The following CLYBL variants were observed in gnomAD, a reference collection of about 807,000 sequenced individuals.
CLYBL encodes the protein citramalyl-CoA lyase.
CLYBL carries 31 observed loss-of-function variants against 38.9 expected under a neutral mutation model. The ratio of observed to expected loss-of-function variants is 0.80; its 90% CI spans 0.60 to 1.08. The LOEUF (loss-of-function observed/expected upper bound fraction) is 1.08, where lower values mean the gene tolerates loss of function less well. Ranked by LOEUF, CLYBL falls within the 50% of genes least tolerant of loss-of-function variation. The pLI, the probability that CLYBL is intolerant of heterozygous loss-of-function variation, is 0.00. For missense variants in CLYBL, 434 were observed against 411.6 expected, an observed-to-expected ratio of 1.05 and a Z score of -0.47; for synonymous variants, 171 against 158.6, an observed-to-expected ratio of 1.08 and a Z score of -0.59.
At chr13:99,899,566 T>C (rs2052619014), downstream of CLYBL, among the ~76,000 whole-genome samples, 1 of 152,152 alleles carries the variant, frequency 6.6e-6, no homozygotes, top group Admixed American at 6.5e-5. Flanking sequence ...GTTTCATTTT[T>C]GCAAGATGAA....
chr13:99,887,599 A>G (rs1294323304), intron 7 of CLYBL, among the ~76,000 whole-genome samples: 1 of 152,082 alleles, frequency 6.6e-6, no homozygotes, highest in African/African-American at 2.4e-5. Context: ...TCTCTACATA[A>G]AAAATTAGCT....
chr13:99,898,182 C>G (rs757623800), downstream of CLYBL, among the ~76,000 whole-genome samples: 8 of 152,100 alleles, frequency 5.3e-5, no homozygotes, highest in Non-Finnish European at 1.2e-4. Context: ...TACATAACGC[C>G]AAATAGCTGG....
intron 9 of CLYBL, among the ~76,000 whole-genome samples, chr13:99,906,069 C>T (rs940337257): frequency 6.6e-6 from 1 of 152,232 alleles, no homozygotes; most frequent in Non-Finnish European, 1.5e-5. Flanking sequence ...CCATGACACT[C>T]TGCCAGATTC....
At position 99,606,765 on chromosome 13, in the gene CLYBL, C is replaced by G; in HGVS notation, c.62+8C>G. 6.9e-7 allele frequency: 1 copy of G among 1,439,478 alleles called. No individual in the cohort carries two copies. The highest frequency in any genetic ancestry group is 3.0e-5 in the East Asian group (1 of 33,198). 89.2% of individuals were successfully genotyped at this position (1,439,478 alleles called of 1,614,324 possible). On this transcript the variant is annotated splice_region_variant and intron_variant, in intron 1 of 8. Coordinates refer to ENST00000339105, the MANE Select transcript of CLYBL (RefSeq NM_206808.5). ...GGCGGCGCTGCTGAGGCTGTGAGTGCAGGTCCCCGTTCCCCGCCTTCCCGG... is the reference window on the plus strand; with the variant it reads ...GGCGGCGCTGCTGAGGCTGTGAGTGGAGGTCCCCGTTCCCCGCCTTCCCGG...
At chr13:99,834,930 A>G (rs1237792016) in intron 2 of CLYBL, among the ~76,000 whole-genome samples, 1 of 152,208 alleles carries the variant, frequency 6.6e-6, no homozygotes, top group Non-Finnish European at 1.5e-5. Context: ...CCTCTAAACT[A>G]AAACAATCAT....
chr13:99,756,980 C>T (rs966650637), intron 1 of CLYBL, among the ~76,000 whole-genome samples: 5 of 151,986 alleles, frequency 3.3e-5, no homozygotes, highest in South Asian at 4.2e-4. Context: ...CCACTGCAGC[C>T]TTGACCCCCA....
chr13:99,741,768 T>G (rs976565138), intron 1 of CLYBL, among the ~76,000 whole-genome samples: 1 of 152,338 alleles, frequency 6.6e-6, no homozygotes, highest in East Asian at 1.9e-4. Context: ...TGAGCCACCG[T>G]GCCCAGCCAA....
At chr13:99,877,744 T>G (rs926387469) in intron 7 of CLYBL, 14 of 239,704 alleles carry the variant, frequency 5.8e-5, no homozygotes, top group Non-Finnish European at 8.3e-5. Flanking sequence ...TGGCTAATTT[T>G]TGTATTTTTA....
intron 1 of CLYBL, among the ~76,000 whole-genome samples, chr13:99,738,844 T>C (rs531943618): frequency 6.6e-6 from 1 of 152,162 alleles, no homozygotes; most frequent in Admixed American, 6.5e-5. Flanking sequence ...GGACAAGGCT[T>C]GCATCTGTCA....
chr13:99,649,342 A>G (rs1326364412), intron 1 of CLYBL, among the ~76,000 whole-genome samples: 2 of 152,214 alleles, frequency 1.3e-5, no homozygotes, highest in Non-Finnish European at 2.9e-5. Context: ...TTTTAACTAA[A>G]ATACTACTAA....
chr13:99,830,992 GGAGAAGACAGACACAGAA>G (rs2050792711), intron 2 of CLYBL, among the ~76,000 whole-genome samples: 1 of 152,134 alleles, frequency 6.6e-6, no homozygotes, highest in Non-Finnish European at 1.5e-5. Context: ...GACACACAGA[GGAGAAGACAGACACAGAA>G]GAGAAGTCAG....
At chr13:99,891,089 GTGTTTCTCCTCTCCATTAAAAT>G (rs2052476684) in intron 7 of CLYBL, among the ~76,000 whole-genome samples, 2 of 151,956 alleles carry the variant, frequency 1.3e-5, no homozygotes, top group Admixed American at 6.6e-5. Flanking sequence ...TGTGTCCAAT[GTGTTTCTCCTCTCCATTAAAAT>G]GCTGAAGATT....
At chr13:99,805,379 A>C (rs1219074362) in intron 2 of CLYBL, among the ~76,000 whole-genome samples, 1 of 152,140 alleles carries the variant, frequency 6.6e-6, no homozygotes, top group Non-Finnish European at 1.5e-5. Context: ...ATGTTAACCA[A>C]GGAGAAGAAA....
intron 2 of CLYBL, among the ~76,000 whole-genome samples, chr13:99,846,134 G>A (rs1172248545): frequency 6.6e-6 from 1 of 151,988 alleles, no homozygotes; most frequent in African/African-American, 2.4e-5. Context: ...GGCCAGCAGA[G>A]CAAGACCCTG....
At chr13:99,901,753 G>A (rs551171133), downstream of CLYBL, among the ~76,000 whole-genome samples, 3 of 151,186 alleles carry the variant, frequency 2.0e-5, no homozygotes, top group Non-Finnish European at 2.9e-5. Flanking sequence ...TCCACCTCCC[G>A]GGTTTAAGTG....
chr13:99,688,263 CTGTG>C (rs1453986783), intron 1 of CLYBL, among the ~76,000 whole-genome samples: 4 of 151,892 alleles, frequency 2.6e-5, no homozygotes, highest in African/African-American at 4.8e-5. Flanking sequence ...AACAGACTCG[CTGTG>C]TGTGTTTTAG....
At chr13:99,835,274 C>G (rs1266382340) in intron 2 of CLYBL, among the ~76,000 whole-genome samples, 4 of 152,182 alleles carry the variant, frequency 2.6e-5, no homozygotes, top group African/African-American at 9.7e-5. Flanking sequence ...TCTCTCTCAC[C>G]CAACAGCACA....
At chr13:99,896,597 C>T (rs1021463826), downstream of CLYBL, 3 of 152,302 alleles carry the variant, frequency 2.0e-5, no homozygotes, top group Non-Finnish European at 2.9e-5. Context: ...CGCCTGGCCG[C>T]GAGCCCGAGG....
chr13:99,804,552 GT>G (rs1164170834), intron 2 of CLYBL, among the ~76,000 whole-genome samples: 5 of 152,078 alleles, frequency 3.3e-5, no homozygotes, highest in Admixed American at 2.0e-4. Context: ...CTGCAGTGCA[GT>G]TTTTAGGGAA....
Sources: allele counts gnomAD v4.1 joint callset (sites outside exome capture counted in the v4.1 genomes callset), GRCh38; gene constraint gnomAD v4.1.1; transcripts MANE v1.5; gene names NCBI Gene and HGNC (gene_info 2026-07-23, HGNC 2026-07-21).